Variants in RBM33 observed in about 807,000 individuals in gnomAD.
RBM33 encodes the protein RNA binding motif protein 33.
Under a neutral mutation model 132.6 loss-of-function variants are expected in RBM33, and 28 were observed. The ratio of observed to expected loss-of-function variants is 0.21; its 90% CI spans 0.16 to 0.29. The LOEUF (loss-of-function observed/expected upper bound fraction) is 0.29, where lower values mean the gene tolerates loss of function less well. Among genes scored for constraint, RBM33 ranks in the 10% least tolerant of loss-of-function variants. The probability of loss-of-function intolerance (pLI) is 1.00; values close to 1 mark genes in which losing one functional copy is unlikely to be tolerated. For missense variants in RBM33, 1,291 were observed against 1,518.5 expected (o/e 0.85, Z 2.49); for synonymous variants, 634 against 593.0 (o/e 1.07, Z -1.01).
At chr7:155,715,454 A>G (rs989979280) in intron 8 of RBM33, among the ~76,000 whole-genome samples, 2 of 152,176 alleles carry the variant, frequency 1.3e-5, no homozygotes, top group Non-Finnish European at 2.9e-5. Context: ...GATATCCTCT[A>G]TGTATGAAAA....
At position 155,706,850 on chromosome 7, in the gene RBM33, T is replaced by C; in HGVS notation, c.740-10T>C. The C allele has an allele frequency of 6.3e-7, 1 of 1,588,188 alleles. No individual in the cohort carries two copies. The highest frequency in any genetic ancestry group is 8.6e-7 in the Non-Finnish European group (1 of 1,167,170). On this transcript the variant is annotated splice_polypyrimidine_tract_variant and intron_variant, in intron 6 of 17. Transcript: ENST00000401878. Reference sequence around the variant, plus strand: ...GAAAGTAACTAACACATACACATTTTTTCACATAGAGCTTTCAGCAGAGGC... The same window carrying C: ...GAAAGTAACTAACACATACACATTTCTTCACATAGAGCTTTCAGCAGAGGC...
chr7:155,734,342 G>T (rs1801046873), intron 9 of RBM33, among the ~76,000 whole-genome samples: 2 of 152,204 alleles, frequency 1.3e-5, no homozygotes, highest in South Asian at 4.1e-4. Context: ...TACCTAGGTG[G>T]TTGGGCAAAC....
intron 11 of RBM33, chr7:155,739,456 T>A (rs1235013909): frequency 6.1e-6 from 3 of 489,418 alleles, no homozygotes; most frequent in Non-Finnish European, 1.1e-5. Context: ...TTTAGAGTTA[T>A]GAGTTTGTCT....
intron 9 of RBM33, among the ~76,000 whole-genome samples, chr7:155,725,466 T>C (rs1295377723): frequency 1.3e-5 from 2 of 152,162 alleles, no homozygotes; most frequent in African/African-American, 2.4e-5. Context: ...TATGCTGTGC[T>C]TTCTCCTTAA....
intron 1 of RBM33, chr7:155,645,203 A>G (rs547261015): frequency 8.3e-4 from 304 of 364,994 alleles, no homozygotes; most frequent in African/African-American, 5.7e-3. Flanking sequence ...GTTGGCGGGC[A>G]TTAAGTGCCG....
At chr7:155,691,375 T>G (rs945561735) in intron 5 of RBM33, among the ~76,000 whole-genome samples, 3 of 152,210 alleles carry the variant, frequency 2.0e-5, no homozygotes, top group African/African-American at 7.2e-5. Flanking sequence ...TCGTCTAATC[T>G]TTTTTCAAGG....
chr7:155,711,276 T>TGCAGCCGCTGCTTCCGGTGCA lies in RBM33; in HGVS notation c.1026_1046dup (p.Gln342_Gln348dup). The TGCAGCCGCTGCTTCCGGTGCA allele has an allele frequency of 3.7e-6, 6 of 1,604,614 alleles. No homozygotes were observed. The highest frequency in any genetic ancestry group is 5.1e-6 in the Non-Finnish European group (6 of 1,176,042). On this transcript the variant is annotated inframe_insertion, in exon 8 of 18. Transcript: ENST00000401878. ...AGAAGCCTGTTCCAGCCGCAGCCGC[T>TGCAGCCGCTGCTTCCGGTGCA]GCAGCCGCTGCTTCCGGTGCAGCAC...
chr7:155,699,816 A>G (rs1799907272), intron 5 of RBM33, among the ~76,000 whole-genome samples: 1 of 152,194 alleles, frequency 6.6e-6, no homozygotes, highest in South Asian at 2.1e-4. Context: ...TTTCTTGTGC[A>G]TTTTCTAATA....
intron 3 of RBM33, among the ~76,000 whole-genome samples, chr7:155,677,401 G>C (rs1330943728): frequency 6.6e-6 from 1 of 151,874 alleles, no homozygotes; most frequent in Non-Finnish European, 1.5e-5. Flanking sequence ...GTAGAGTCAG[G>C]GTTTCACCAT....
chr7:155,717,523 G>A (rs1800499337), intron 8 of RBM33, among the ~76,000 whole-genome samples: 2 of 150,260 alleles, frequency 1.3e-5, no homozygotes, highest in Non-Finnish European at 3.0e-5. Flanking sequence ...GTATACATTT[G>A]GGGTTGGGTG....
chr7:155,665,089 T>G (rs1798765029), intron 1 of RBM33, 86 bp from the exon 2 acceptor site: 8 of 1,112,086 alleles, frequency 7.2e-6, no homozygotes, highest in South Asian at 1.3e-5. Flanking sequence ...TCAGGAATCC[T>G]TAAAAAAGTT....
intron 14 of RBM33, among the ~76,000 whole-genome samples, chr7:155,748,752 A>T (rs1470475388): frequency 6.7e-6 from 1 of 149,052 alleles, no homozygotes; most frequent in Non-Finnish European, 1.5e-5. Flanking sequence ...GAGAATGTCT[A>T]GTCCTTTCTT....
At chr7:155,683,786 A>G (rs564116341) in intron 5 of RBM33, among the ~76,000 whole-genome samples, 2 of 152,340 alleles carry the variant, frequency 1.3e-5, no homozygotes, top group South Asian at 2.1e-4. Context: ...AAGTGCAATC[A>G]GTTTATTTAA....
chr7:155,677,570 C>G (rs529124962), intron 3 of RBM33, among the ~76,000 whole-genome samples: 6 of 152,310 alleles, frequency 3.9e-5, no homozygotes, highest in African/African-American at 1.2e-4. Flanking sequence ...TCTGTTCTCC[C>G]TTCTGCAAAT....
At chr7:155,759,454 G>C (rs1234618711) in intron 14 of RBM33, among the ~76,000 whole-genome samples, 6 of 124,160 alleles carry the variant, frequency 4.8e-5, no homozygotes, top group Admixed American at 2.1e-4. Context: ...GTCTCGCTCT[G>C]TCTCCCAGGC....
intron 9 of RBM33, among the ~76,000 whole-genome samples, chr7:155,719,377 A>G (rs937496352): frequency 6.6e-6 from 1 of 152,170 alleles, no homozygotes; most frequent in African/African-American, 2.4e-5. Flanking sequence ...AGGTTAAATG[A>G]AGGATGTGAA....
intron 16 of RBM33, among the ~76,000 whole-genome samples, chr7:155,769,803 A>G (rs951528469): frequency 6.6e-6 from 1 of 152,354 alleles, no homozygotes; most frequent in Non-Finnish European, 1.5e-5. Flanking sequence ...AACACTAAGC[A>G]GTGTCAGACA....
chr7:155,766,456 G>A lies in RBM33; in HGVS notation c.3187-11G>A. The A allele has an allele frequency of 6.2e-7, 1 of 1,612,648 alleles. No homozygotes were observed. The highest frequency in any genetic ancestry group is 8.5e-7 in the Non-Finnish European group (1 of 1,179,694). ...TTGAAACTCTGAATGTATTTCCTTTGTTGTCACCAGGCCATCATGCACGGA... is the reference window on the plus strand; with the variant it reads ...TTGAAACTCTGAATGTATTTCCTTTATTGTCACCAGGCCATCATGCACGGA... On this transcript the variant is annotated splice_polypyrimidine_tract_variant and intron_variant, in intron 15 of 17. Coordinates refer to ENST00000401878, the MANE Select transcript of RBM33 (RefSeq NM_053043.3).
intron 6 of RBM33, among the ~76,000 whole-genome samples, chr7:155,705,666 T>C (rs1380992802): frequency 6.6e-6 from 1 of 152,202 alleles, no homozygotes; most frequent in East Asian, 1.9e-4. Flanking sequence ...TTAGAAAATG[T>C]GGTGTAAGAT....
Sources: allele counts gnomAD v4.1 joint callset (sites outside exome capture counted in the v4.1 genomes callset), GRCh38; gene constraint gnomAD v4.1.1; transcripts MANE v1.5; gene names NCBI Gene and HGNC (gene_info 2026-07-23, HGNC 2026-07-21).